The following ABCA7 variants were observed in gnomAD, a reference collection of about 807,000 sequenced individuals.
ABCA7 encodes phospholipid-transporting ATPase ABCA7.
In ABCA7, 261 loss-of-function variants were observed where a neutral mutation model predicts 227.6. The observed-to-expected ratio is 1.15, with a 90% CI of 1.04 to 1.27. The LOEUF is 1.27. ABCA7 is among the 50% of genes most tolerant of loss of function. The pLI is 0.00. For missense variants in ABCA7, 3,331 were observed against 2,924.5 expected (o/e 1.14, Z -3.21); for synonymous variants, 1,488 against 1,279.7 (o/e 1.16, Z -3.47).
chr19:1,061,796 G>A lies in ABCA7; in HGVS notation c.5478G>A (p.Leu1826=). ...CATCCCTGTAGTGTTTTGGGCTGCTGGGTGTGAATGGAGCAGGGAAGACGT... is the reference window on the plus strand; with the variant it reads ...CATCCCTGTAGTGTTTTGGGCTGCTAGGTGTGAATGGAGCAGGGAAGACGT... ...GIPPGECFGL[L]GVNGAGKTST... The change falls in exon 41 of 47, where the codon CTG becomes CTA. Residue 1826 remains leucine, a synonymous_variant. Transcript: ENST00000263094. The A allele has an allele frequency of 6.2e-7, 1 of 1,613,296 alleles. No homozygotes were observed. The highest frequency in any genetic ancestry group is 8.5e-7 in the Non-Finnish European group (1 of 1,179,622).
At chr19:1,061,068 C>T (rs2042619738) in intron 40 of ABCA7, among the ~76,000 whole-genome samples, 1 of 152,078 alleles carries the variant, frequency 6.6e-6, no homozygotes, top group Admixed American at 6.6e-5. Context: ...CCCCCGGGGC[C>T]CCACCCACGG....
chr19:1,052,702 AG>A (rs2041880405), intron 23 of ABCA7, among the ~76,000 whole-genome samples: 1 of 68,386 alleles, frequency 1.5e-5, no homozygotes, highest in Admixed American at 1.6e-4. Flanking sequence ...GGAGAGGAGG[AG>A]GAGGGAGAGG....
chr19:1,041,486 C>G (rs2040032524), intron 2 of ABCA7, 24 bp from the exon 3 acceptor site: 1 of 1,613,550 alleles, frequency 6.2e-7, no homozygotes, highest in Admixed American at 1.7e-5. Context: ...TGTCCCCCAC[C>G]GTCTCCCACC....
At position 1,049,449 on chromosome 19, in the gene ABCA7, ACCACTCCCTCCCCGTGAGCCCCC is replaced by A. The variant is rs761614525; in HGVS notation, c.2552+21_2552+43del. 1 of 1,529,972 alleles carries A rather than the reference ACCACTCCCTCCCCGTGAGCCCCC, an allele frequency of 6.5e-7. No homozygotes were observed. The highest frequency in any genetic ancestry group is 1.8e-5 in the Admixed American group (1 of 54,280). The allele number at this position is 1,529,972 out of a possible 1,614,324, so 94.8% of individuals were successfully genotyped here. On this transcript the variant is annotated intron_variant, in intron 18 of 46. Coordinates refer to ENST00000263094, the MANE Select transcript of ABCA7 (RefSeq NM_019112.4). ...AAGACCACCACCCTGTGAGCCCCCAACCACTCCCTCCCCGTGAGCCCCCCCACTCCCACCCCGTGAGCCCCCCC... is the reference window on the plus strand; with the variant it reads ...AAGACCACCACCCTGTGAGCCCCCAACCACTCCCACCCCGTGAGCCCCCCC...
At chr19:1,064,040 T>TGG in intron 44 of ABCA7, 121 bp from the exon 45 acceptor site, 1 of 1,330,052 alleles carries the variant, frequency 7.5e-7, no homozygotes, top group Non-Finnish European at 1.0e-6. Flanking sequence ...CAGAACGGTC[T>TGG]GGGGAAGAGT....
At position 1,059,031 on chromosome 19, in the gene ABCA7, TG is replaced by T; in HGVS notation, c.5412del (p.Gln1805ArgfsTer24). 6.2e-7 allele frequency: 1 copy of T among 1,613,876 alleles called. No individual in the cohort carries two copies. The highest frequency in any genetic ancestry group is 8.5e-7 in the Non-Finnish European group (1 of 1,179,974). ...VLRNLTKVYR[G>X]QRMPAVDRLC... The stretch of plus-strand genomic sequence containing the variant: ...GACCTGCACTCTCCCAGGTATACCG[TG>T]GGCAGAGGATGCCAGCTGTTGACCG... On this transcript the variant is annotated frameshift_variant, in exon 40 of 47. Transcript: ENST00000263094. LOFTEE classifies it high-confidence loss of function.
Position 1,043,381 on chromosome 19 carries a change from TC to T in ABCA7, c.841del (p.Arg281AlafsTer7). Reference sequence around the variant, plus strand: ...TGGAGCCCTGGACAGCCACCCGCTGTCCCGCCTGCTCTGGAGACGCCTGAAG... The same window carrying T: ...TGGAGCCCTGGACAGCCACCCGCTGTCCGCCTGCTCTGGAGACGCCTGAAG... ...LIGALDSHPL[S>X]RLLWRRLKPL... is the part of the protein sequence containing the mutation. On this transcript the variant is annotated frameshift_variant, in exon 9 of 47. Coordinates refer to ENST00000263094, the MANE Select transcript of ABCA7 (RefSeq NM_019112.4). LOFTEE classifies it high-confidence loss of function. The T allele has an allele frequency of 6.2e-7, 1 of 1,613,096 alleles. No individual in the cohort carries two copies. The highest frequency in any genetic ancestry group is 8.5e-7 in the Non-Finnish European group (1 of 1,179,996).
chr19:1,042,288 C>A, intron 5 of ABCA7, 27 bp from the exon 6 acceptor site: 1 of 1,576,614 alleles, frequency 6.3e-7, no homozygotes, highest in Admixed American at 1.7e-5. Context: ...CCCCCCAGCC[C>A]CATGCTCCCG....
chr19:1,064,907 T>C, intron 45 of ABCA7, 24 bp from the exon 46 acceptor site: 1 of 1,552,124 alleles, frequency 6.4e-7, no homozygotes, highest in Non-Finnish European at 8.7e-7. Context: ...CCCGATCCGG[T>C]AGCCCTGGCC....
At chr19:1,047,409 C>G in intron 15 of ABCA7, 31 bp downstream of exon 15, 1 of 1,545,158 alleles carries the variant, frequency 6.5e-7, no homozygotes, top group South Asian at 1.2e-5. Context: ...GGATGGGGGA[C>G]GCCCCCCGCT....
rs1041741859 is a variant in ABCA7 at position 1,046,243 on chromosome 19, G to T, written c.1459G>T (p.Gly487Cys). The change falls in exon 13 of 47, where the codon GGC (glycine) becomes TGC (cysteine). Residue 487 changes from glycine (G) to cysteine (C), a missense_variant. Physicochemically the swap from Gly to Cys is radical, Grantham distance 159. Transcript: ENST00000263094. ...NKIRDRFWDPGPAADPLTDLR... is the reference protein window; with the variant it reads ...NKIRDRFWDPCPAADPLTDLR... Reference sequence around the variant, plus strand: ...CCCCTCTCGCAGGTTTTGGGACCCTGGCCCAGCCGCGGACCCCCTGACCGA... The same window carrying T: ...CCCCTCTCGCAGGTTTTGGGACCCTTGCCCAGCCGCGGACCCCCTGACCGA... The T allele has an allele frequency of 3.1e-6, 5 of 1,607,140 alleles. No homozygotes were observed. Among genetic ancestry groups the T allele is most frequent in the East Asian group, 2.2e-5 (1 of 44,840 alleles).
At chr19:1,047,687 T>A (rs1345508488) in intron 16 of ABCA7, 33 bp downstream of exon 16, 1 of 1,548,728 alleles carries the variant, frequency 6.5e-7, no homozygotes, top group African/African-American at 1.4e-5. Flanking sequence ...CCGGGCCGGG[T>A]CGCACCTGCT....
chr19:1,063,439 C>T, intron 42 of ABCA7, 105 bp from the exon 43 acceptor site: 1 of 1,469,356 alleles, frequency 6.8e-7, no homozygotes, highest in Non-Finnish European at 9.2e-7. Flanking sequence ...TGCCCCATGC[C>T]CATTATGCCC....
chr19:1,042,662 A>ATGGTCTGCC (rs766085757), intron 6 of ABCA7, 84 bp from the exon 7 acceptor site: 1 of 1,378,010 alleles, frequency 7.3e-7, no homozygotes, highest in South Asian at 1.2e-5. Context: ...CTATGATAGT[A>ATGGTCTGCC]TGGTCTGCCT....
At chr19:1,051,882 C>T (rs1325382386) in intron 21 of ABCA7, 60 bp from the exon 22 acceptor site, 2 of 1,581,890 alleles carry the variant, frequency 1.3e-6, no homozygotes, top group Non-Finnish European at 1.7e-6. Flanking sequence ...GGCAGAGGCC[C>T]CAGCTCGGGC....
rs1057190685 is a variant in ABCA7 at position 1,045,665 on chromosome 19, C to T, written c.1445+434C>T. The T allele has an allele frequency of 2.7e-4, 47 of 175,392 alleles. 1 individual carries two copies. The highest frequency in any genetic ancestry group is 7.1e-4 in the South Asian group (6 of 8,464). 10.9% of individuals were successfully genotyped at this position (175,392 alleles called of 1,614,324 possible). A position where few individuals can be genotyped will look rare whatever the true frequency, so the allele number is the denominator to read the frequency against. Reference sequence around the variant, plus strand: ...CAACATAGTGAGACCGCCTCCCCCCCGCCCCCCTCCCCCACCAACCTCACG... The same window carrying T: ...CAACATAGTGAGACCGCCTCCCCCCTGCCCCCCTCCCCCACCAACCTCACG... On this transcript the variant is annotated intron_variant, in intron 12 of 46. Transcript: ENST00000263094.
At position 1,041,383 on chromosome 19, in the gene ABCA7, A is replaced by C. The variant is rs1568211809; in HGVS notation, c.22A>C (p.Met8Leu). MAFWTQL[M>L]LLLWKNFMYR... ...CACCATGGCCTTCTGGACACAGCTG[A>C]TGCTGCTGCTCTGGAAGAATTTCAT... Residue 8 changes from methionine (M) to leucine (L), a missense_variant, in exon 2 of 47, where the codon ATG (methionine) becomes CTG (leucine). Physicochemically the swap from Met to Leu is conservative, Grantham distance 15. Transcript: ENST00000263094. 6.2e-7 allele frequency: 1 copy of C among 1,614,010 alleles called. No homozygotes were observed. The highest frequency in any genetic ancestry group is 8.5e-7 in the Non-Finnish European group (1 of 1,180,006).
rs1173196661 is a variant in ABCA7 at position 1,065,017 on chromosome 19, G to A, written c.6131G>A (p.Gly2044Glu). Residue 2044 changes from glycine to glutamate, a missense_variant, in exon 46 of 47, where the codon GGG becomes GAG. By Grantham distance (98) the Gly-to-Glu change is moderately conservative (BLOSUM62 -2). Transcript: ENST00000263094. ...AAAFVAAEFP[G>E]AELREAHGGR... ...GCCTTCGTGGCGGCCGAGTTCCCTG[G>A]GGCGGAGCTGCGCGAGGCACATGGA... 6 of 1,556,810 alleles carry A rather than the reference G, an allele frequency of 3.9e-6. No individual in the cohort carries two copies. The highest frequency in any genetic ancestry group is 2.3e-5 in the South Asian group (2 of 85,262).
chr19:1,055,598 T>A lies in ABCA7; in HGVS notation c.4205+247T>A, dbSNP rs572255431. 2.9e-4 allele frequency among the ~76,000 whole-genome samples: 44 copies of A among 149,186 alleles called. No homozygotes were observed. The South Asian group carries it at 3.8e-3, about 13-fold the overall frequency. ...GCTCATTGCAACCTCCACCTCCCAG[T>A]TTCAAGCGATTCTCCTCCCTCAGCC... is the stretch of plus-strand genomic sequence containing the variant. On this transcript the variant is annotated intron_variant, in intron 30 of 46. Transcript: ENST00000263094.
Sources: gnomAD v4.1 joint callset for allele counts (sites outside exome capture counted in the v4.1 genomes callset) on GRCh38, gnomAD v4.1.1 for gene constraint, MANE v1.5 for transcripts, NCBI Gene and HGNC (gene_info 2026-07-23, HGNC 2026-07-21) for gene names.